The following LRRC3B variants were observed in gnomAD, a reference collection of about 807,000 sequenced individuals.
The protein encoded by LRRC3B is leucine-rich repeat-containing protein 3B.
In LRRC3B, 2 loss-of-function variants were observed where a neutral mutation model predicts 12.8. The observed-to-expected ratio is 0.16, with a 90% CI of 0.06 to 0.49. LRRC3B has a LOEUF of 0.49. Ranked by LOEUF, LRRC3B falls within the 20% of genes least tolerant of loss-of-function variation. The pLI is 0.96. For synonymous variants in LRRC3B, 132 were observed against 122.0 expected, an observed-to-expected ratio of 1.08 and a Z score of -0.54; for missense variants, 189 against 319.4, an observed-to-expected ratio of 0.59 and a Z score of 3.11.
chr3:26,688,353 G>T (rs1453423297), intron 1 of LRRC3B, among the ~76,000 whole-genome samples: 1 of 152,154 alleles, frequency 6.6e-6, no homozygotes, highest in African/African-American at 2.4e-5. Context: ...CTTGGTCAGG[G>T]AATATTTGCC....
intron 1 of LRRC3B, among the ~76,000 whole-genome samples, chr3:26,698,989 TTTTC>T (rs1277973273): frequency 2.0e-5 from 3 of 152,168 alleles, no homozygotes; most frequent in African/African-American, 4.8e-5. Flanking sequence ...GTGACATCTC[TTTTC>T]TTTATCTAGA....
intron 1 of LRRC3B, among the ~76,000 whole-genome samples, chr3:26,677,350 C>G (rs555670769): frequency 6.6e-6 from 1 of 152,264 alleles, no homozygotes; most frequent in East Asian, 1.9e-4. Context: ...ATGTTTCATA[C>G]CAGGGTGAAC....
intron 1 of LRRC3B, among the ~76,000 whole-genome samples, chr3:26,638,535 A>C (rs1466711562): frequency 6.6e-6 from 1 of 152,222 alleles, no homozygotes; most frequent in Non-Finnish European, 1.5e-5. Context: ...TCAATACCTG[A>C]TGATGTGGAA....
intron 1 of LRRC3B, among the ~76,000 whole-genome samples, chr3:26,682,243 C>G (rs115340670): frequency 2.8e-4 from 42 of 152,198 alleles, no homozygotes; most frequent in Non-Finnish European, 5.4e-4. Flanking sequence ...TGTAGCTGCC[C>G]TTTCCTCTTG....
intron 1 of LRRC3B, among the ~76,000 whole-genome samples, chr3:26,632,631 A>G (rs895914581): frequency 1.3e-5 from 2 of 152,146 alleles, no homozygotes; most frequent in Non-Finnish European, 1.5e-5. Flanking sequence ...GTAGGGTAAC[A>G]TCAAGTTTGT....
At chr3:26,661,926 C>A (rs1185123907) in intron 1 of LRRC3B, among the ~76,000 whole-genome samples, 1 of 152,110 alleles carries the variant, frequency 6.6e-6, no homozygotes, top group African/African-American at 2.4e-5. Flanking sequence ...CAGAAAGGCC[C>A]AGAATAAAGA....
chr3:26,691,101 G>GTATA (rs1461673808), intron 1 of LRRC3B, among the ~76,000 whole-genome samples: 143 of 45,652 alleles, frequency 3.1e-3, no homozygotes, highest in Middle Eastern at 0.015. Flanking sequence ...ATGTGTGTGT[G>GTATA]TGTGTATATA....
chr3:26,678,448 C>T (rs1699906804), intron 1 of LRRC3B, among the ~76,000 whole-genome samples: 1 of 151,862 alleles, frequency 6.6e-6, no homozygotes. Context: ...GATCCAAGAT[C>T]ATACCACTGC....
chr3:26,689,220 C>T (rs561823403), intron 1 of LRRC3B, among the ~76,000 whole-genome samples: 29 of 152,176 alleles, frequency 1.9e-4, no homozygotes, highest in Middle Eastern at 3.2e-3. Context: ...AATGCTGGTA[C>T]ATTTAAAGTG....
intron 1 of LRRC3B, among the ~76,000 whole-genome samples, chr3:26,705,833 C>G (rs1367188250): frequency 1.3e-5 from 2 of 152,150 alleles, no homozygotes; most frequent in Non-Finnish European, 2.9e-5. Flanking sequence ...CACTGTTGAC[C>G]TAGCTAGTAA....
At chr3:26,669,466 A>G (rs775782324) in intron 1 of LRRC3B, among the ~76,000 whole-genome samples, 1 of 152,204 alleles carries the variant, frequency 6.6e-6, no homozygotes, top group Non-Finnish European at 1.5e-5. Flanking sequence ...TCAAGCAAAA[A>G]TATTGTCTAA....
At chr3:26,668,716 A>G (rs1337710309) in intron 1 of LRRC3B, among the ~76,000 whole-genome samples, 2 of 152,174 alleles carry the variant, frequency 1.3e-5, no homozygotes, top group Non-Finnish European at 2.9e-5. Flanking sequence ...TATTGTTAAA[A>G]GTTTGGAAAA....
chr3:26,678,989 T>C (rs1319537173), intron 1 of LRRC3B, among the ~76,000 whole-genome samples: 1 of 152,172 alleles, frequency 6.6e-6, no homozygotes, highest in East Asian at 1.9e-4. Context: ...ATACAACAAA[T>C]ACAAATGTAT....
chr3:26,681,220 G>T (rs1351904146), intron 1 of LRRC3B, among the ~76,000 whole-genome samples: 1 of 152,146 alleles, frequency 6.6e-6, no homozygotes, highest in Non-Finnish European at 1.5e-5. Flanking sequence ...AATCCTTTGG[G>T]ATCACACTGA....
At chr3:26,668,341 G>A (rs1559360631) in intron 1 of LRRC3B, among the ~76,000 whole-genome samples, 1 of 152,126 alleles carries the variant, frequency 6.6e-6, no homozygotes, top group Non-Finnish European at 1.5e-5. Flanking sequence ...AGAGAGCTTA[G>A]TGGTGCAGGA....
intron 1 of LRRC3B, among the ~76,000 whole-genome samples, chr3:26,643,278 A>G (rs183506207): frequency 1.8e-5 from 2 of 109,926 alleles, no homozygotes; most frequent in East Asian, 2.7e-4. Flanking sequence ...GTGTGTGTGT[A>G]TACATGTATA....
intron 1 of LRRC3B, among the ~76,000 whole-genome samples, chr3:26,629,656 C>T (rs925347280): frequency 6.6e-6 from 1 of 152,168 alleles, no homozygotes; most frequent in Non-Finnish European, 1.5e-5. Flanking sequence ...ACCCTTTCCA[C>T]AATTATATTT....
intron 1 of LRRC3B, among the ~76,000 whole-genome samples, chr3:26,671,348 G>GTATATATA (rs1559361621): frequency 1.5e-4 from 10 of 66,352 alleles, no homozygotes; most frequent in African/African-American, 6.2e-4. Context: ...GTATATATGT[G>GTATATATA]TGTATATATA....
At chr3:26,634,494 CTG>C (rs1164931301) in intron 1 of LRRC3B, among the ~76,000 whole-genome samples, 2 of 152,258 alleles carry the variant, frequency 1.3e-5, no homozygotes, top group East Asian at 3.9e-4. Flanking sequence ...TTTTGAATGT[CTG>C]TGTGTCAAAG....
Sources: allele counts gnomAD v4.1 joint callset (sites outside exome capture counted in the v4.1 genomes callset), GRCh38; gene constraint gnomAD v4.1.1; transcripts MANE v1.5; gene names NCBI Gene and HGNC (gene_info 2026-07-23, HGNC 2026-07-21).